Variants in EPB41L4A observed in about 807,000 individuals in gnomAD.
EPB41L4A encodes band 4.1-like protein 4A.
EPB41L4A carries 100 observed loss-of-function variants against 108.6 expected under a neutral mutation model. The observed-to-expected ratio is 0.92, with a 90% CI of 0.78 to 1.09. EPB41L4A has a LOEUF of 1.09. EPB41L4A is among the 50% of genes least tolerant of loss of function. The pLI, the probability that EPB41L4A is intolerant of heterozygous loss-of-function variation, is 0.00. For synonymous variants in EPB41L4A, 319 were observed against 289.0 expected (o/e 1.10, Z -1.05); for missense variants, 1,030 against 842.7 (o/e 1.22, Z -2.75).
chr5:112,326,461 A>G (rs1248348440), intron 1 of EPB41L4A, among the ~76,000 whole-genome samples: 1 of 149,554 alleles, frequency 6.7e-6, no homozygotes, highest in Non-Finnish European at 1.5e-5. Flanking sequence ...AATTCAAAAT[A>G]ATTTTAGTAA....
intron 1 of EPB41L4A, among the ~76,000 whole-genome samples, chr5:112,327,511 T>C (rs567323312): frequency 3.4e-4 from 51 of 151,052 alleles, no homozygotes; most frequent in Middle Eastern, 6.8e-3. Context: ...AGGCAAGGAG[T>C]TCAAGACCAG....
chr5:112,260,864 A>G (rs1448670487), intron 7 of EPB41L4A, among the ~76,000 whole-genome samples: 2 of 152,258 alleles, frequency 1.3e-5, no homozygotes, highest in East Asian at 3.8e-4. Context: ...AATACCTGCC[A>G]ATGCCCACTT....
chr5:112,404,851 C>G (rs1334712625), intron 1 of EPB41L4A, among the ~76,000 whole-genome samples: 1 of 152,184 alleles, frequency 6.6e-6, no homozygotes, highest in Non-Finnish European at 1.5e-5. Flanking sequence ...CTCCACAAAA[C>G]TCCCTTCTCT....
chr5:112,259,834 AG>A, intron 8 of EPB41L4A, 56 bp downstream of exon 8: 1 of 1,220,496 alleles, frequency 8.2e-7, no homozygotes, highest in Non-Finnish European at 1.2e-6. Context: ...TCACTGACAC[AG>A]GAGTCCCATA....
chr5:112,299,996 A>G (rs1197092007), intron 2 of EPB41L4A, among the ~76,000 whole-genome samples: 9 of 152,160 alleles, frequency 5.9e-5, no homozygotes, highest in Non-Finnish European at 1.5e-5. Context: ...TTTGCATGGA[A>G]TATCTTTTTC....
intron 2 of EPB41L4A, among the ~76,000 whole-genome samples, chr5:112,297,138 C>T (rs1580631965): frequency 1.3e-5 from 2 of 152,138 alleles, no homozygotes; most frequent in East Asian, 3.9e-4. Context: ...GACTTCTTTT[C>T]CTCTGGGTGG....
intron 1 of EPB41L4A, among the ~76,000 whole-genome samples, chr5:112,339,038 G>GA (rs386404703): frequency 6.6e-6 from 1 of 151,670 alleles, no homozygotes; most frequent in Non-Finnish European, 1.5e-5. Context: ...CAGGGTGGGG[G>GA]AGAATGAAGG....
At chr5:112,338,331 C>T (rs1383176003) in intron 1 of EPB41L4A, among the ~76,000 whole-genome samples, 3 of 152,100 alleles carry the variant, frequency 2.0e-5, no homozygotes, top group Non-Finnish European at 4.4e-5. Context: ...TTGTGGGGAG[C>T]CCTTTCTCCC....
chr5:112,360,355 G>A (rs1758641006), intron 1 of EPB41L4A, among the ~76,000 whole-genome samples: 1 of 152,184 alleles, frequency 6.6e-6, no homozygotes, highest in Non-Finnish European at 1.5e-5. Context: ...CGCCATCTCG[G>A]CTCACCGCAA....
intron 4 of EPB41L4A, among the ~76,000 whole-genome samples, chr5:112,273,222 A>G (rs1002960479): frequency 6.6e-6 from 1 of 152,246 alleles, no homozygotes; most frequent in African/African-American, 2.4e-5. Context: ...CATATGTTTT[A>G]GGCAACAAAT....
chr5:112,259,328 T>A lies in EPB41L4A; in HGVS notation c.732-36A>T, dbSNP rs1157939694. On this transcript the variant is annotated intron_variant, in intron 8 of 22. Coordinates refer to ENST00000261486, the MANE Select transcript of EPB41L4A (RefSeq NM_022140.5). The stretch of plus-strand genomic sequence containing the variant: ...AAGCAGATGGTGTTGCTGCTGTTTT[T>A]AAGTATTAACCTTTCAGAAAATCAG... The A allele has an allele frequency of 1.9e-6, 3 of 1,577,222 alleles. No individual in the cohort carries two copies. The East Asian group carries it at 6.7e-5, about 35-fold the overall frequency.
At chr5:112,282,738 G>A (rs1753047725) in intron 2 of EPB41L4A, among the ~76,000 whole-genome samples, 1 of 152,156 alleles carries the variant, frequency 6.6e-6, no homozygotes, top group Non-Finnish European at 1.5e-5. Flanking sequence ...GTGTCAATAT[G>A]TGCTTGTGGC....
Position 112,197,916 on chromosome 5 carries a change from ATACAAACAAT to A in EPB41L4A, c.1377-2218_1377-2209del, listed in dbSNP as rs929930169. Among the ~76,000 whole-genome samples, 42 of 152,346 alleles carry A rather than the reference ATACAAACAAT, an allele frequency of 2.8e-4. 1 individual carries two copies. Among genetic ancestry groups the A allele is most frequent in the African/African-American group, 9.9e-4 (41 of 41,574 alleles). ...AAATTTCTGAAAATGTCTTTATTCTATACAAACAATTATGGTTATCTGGGCATAGACTCCT... is the reference window on the plus strand; with the variant it reads ...AAATTTCTGAAAATGTCTTTATTCTATATGGTTATCTGGGCATAGACTCCT... On this transcript the variant is annotated intron_variant, in intron 15 of 22. Coordinates refer to ENST00000261486, the MANE Select transcript of EPB41L4A (RefSeq NM_022140.5).
intron 15 of EPB41L4A, chr5:112,196,522 T>C (rs535137274): frequency 6.6e-6 from 1 of 152,380 alleles, no homozygotes; most frequent in East Asian, 1.9e-4. Flanking sequence ...TCTATTGACC[T>C]GGCTACTCTC....
intron 1 of EPB41L4A, among the ~76,000 whole-genome samples, chr5:112,326,855 G>A (rs1442866616): frequency 1.3e-5 from 2 of 152,116 alleles, no homozygotes; most frequent in Non-Finnish European, 2.9e-5. Context: ...AGGCAGCAGA[G>A]CAATAACAGT....
chr5:112,262,421 T>C (rs920261935), intron 7 of EPB41L4A, 73 bp downstream of exon 7: 5 of 1,243,396 alleles, frequency 4.0e-6, no homozygotes, highest in Non-Finnish European at 4.7e-6. Flanking sequence ...AGCTTTCCTT[T>C]GGGAGTCTCA....
At chr5:112,171,246 T>C (rs1760564951) in intron 18 of EPB41L4A, among the ~76,000 whole-genome samples, 1 of 152,186 alleles carries the variant, frequency 6.6e-6, no homozygotes, top group African/African-American at 2.4e-5. Flanking sequence ...ACCTCAGAAC[T>C]GCAGGGTCAT....
At chr5:112,260,457 G>A (rs561286635) in intron 7 of EPB41L4A, among the ~76,000 whole-genome samples, 1 of 152,228 alleles carries the variant, frequency 6.6e-6, no homozygotes, top group African/African-American at 2.4e-5. Context: ...CATCTATCAA[G>A]GGTGCTTTTG....
chr5:112,368,547 C>A (rs1326397150), intron 1 of EPB41L4A, among the ~76,000 whole-genome samples: 1 of 152,166 alleles, frequency 6.6e-6, no homozygotes, highest in Non-Finnish European at 1.5e-5. Context: ...TCTTGGTGTT[C>A]CAGCCTCTCT....
Sources: gnomAD v4.1 joint callset for allele counts (sites outside exome capture counted in the v4.1 genomes callset) on GRCh38, gnomAD v4.1.1 for gene constraint, MANE v1.5 for transcripts, NCBI Gene and HGNC (gene_info 2026-07-23, HGNC 2026-07-21) for gene names.